The following FARP1 variants were observed in gnomAD, a reference collection of about 807,000 sequenced individuals.
FARP1 encodes the protein FERM, ARH/RhoGEF and pleckstrin domain protein 1, also known as FERM, ARHGEF and pleckstrin domain-containing protein 1.
FARP1 carries 52 observed loss-of-function variants against 128.8 expected under a neutral mutation model. The ratio of observed to expected loss-of-function variants is 0.40; its 90% CI spans 0.32 to 0.51. The LOEUF is 0.51. Ranked by LOEUF, FARP1 falls within the 20% of genes least tolerant of loss-of-function variation. The pLI, the probability that FARP1 is intolerant of heterozygous loss-of-function variation, is 0.45. For synonymous variants in FARP1, 580 were observed against 551.8 expected (o/e 1.05, Z -0.72); for missense variants, 1,333 against 1,367.9 (o/e 0.97, Z 0.40).
Position 98,343,745 on chromosome 13 carries a change from G to A in FARP1, c.172-17G>A, listed in dbSNP as rs375160200. 5.0e-6 allele frequency: 8 copies of A among 1,586,910 alleles called. No homozygotes were observed. Among genetic ancestry groups the A allele is most frequent in the South Asian group, 3.3e-5 (3 of 90,478 alleles). On this transcript the variant is annotated splice_polypyrimidine_tract_variant and intron_variant, in intron 2 of 26. Transcript: ENST00000319562. ...CGTGCCTGCCTCAGGGATAACCCCT[G>A]TTGTTTCTGCTCACAGCAAAGAGCT...
chr13:98,327,925 A>G (rs967621144), intron 2 of FARP1, among the ~76,000 whole-genome samples: 10 of 148,702 alleles, frequency 6.7e-5, no homozygotes, highest in Non-Finnish European at 3.0e-5. Context: ...TAATAGGCAT[A>G]TTCAATAAGC....
chr13:98,352,619 A>G (rs990582006), intron 3 of FARP1, among the ~76,000 whole-genome samples: 4 of 152,250 alleles, frequency 2.6e-5, no homozygotes, highest in African/African-American at 9.6e-5. Context: ...AGGTTAGGAA[A>G]CAATTTTCAC....
intron 1 of FARP1, among the ~76,000 whole-genome samples, chr13:98,163,541 T>G (rs1232555381): frequency 7.3e-6 from 1 of 137,866 alleles, no homozygotes; most frequent in African/African-American, 2.5e-5. Flanking sequence ...TATTTGTTGG[T>G]GTTTTTTTTT....
At chr13:98,353,998 C>G (rs1336122382) in intron 3 of FARP1, among the ~76,000 whole-genome samples, 1 of 152,198 alleles carries the variant, frequency 6.6e-6, no homozygotes, top group Non-Finnish European at 1.5e-5. Flanking sequence ...TTTGCAAGGA[C>G]CATGCCTGAG....
chr13:98,221,937 C>CT (rs1339829786), intron 2 of FARP1, among the ~76,000 whole-genome samples: 2 of 152,190 alleles, frequency 1.3e-5, no homozygotes, highest in African/African-American at 4.8e-5. Context: ...TTTTAAAAAA[C>CT]TATCTGCCAT....
At chr13:98,397,057 A>G (rs1890578467) in intron 13 of FARP1, 1 of 152,242 alleles carries the variant, frequency 6.6e-6, no homozygotes, top group Admixed American at 6.5e-5. Flanking sequence ...AAGAATAATG[A>G]ATATTTTAAT....
chr13:98,307,038 G>C (rs1294160935), intron 2 of FARP1, among the ~76,000 whole-genome samples: 1 of 152,178 alleles, frequency 6.6e-6, no homozygotes, highest in African/African-American at 2.4e-5. Flanking sequence ...AGCTAACCTC[G>C]TCACAGCTGG....
intron 2 of FARP1, among the ~76,000 whole-genome samples, chr13:98,250,029 A>G (rs1883247897): frequency 6.6e-6 from 1 of 152,260 alleles, no homozygotes; most frequent in African/African-American, 2.4e-5. Context: ...GGCATTTAAT[A>G]AAAGAGAAAA....
intron 19 of FARP1, among the ~76,000 whole-genome samples, chr13:98,437,234 G>A (rs1892306546): frequency 6.6e-6 from 1 of 152,210 alleles, no homozygotes; most frequent in Non-Finnish European, 1.5e-5. Context: ...GGCCGATCAG[G>A]TGATGATGGG....
At chr13:98,181,951 T>C (rs1468013812) in intron 1 of FARP1, among the ~76,000 whole-genome samples, 1 of 152,170 alleles carries the variant, frequency 6.6e-6, no homozygotes, top group Non-Finnish European at 1.5e-5. Flanking sequence ...GCTGACTTCA[T>C]TGCAAGAGAG....
intron 1 of FARP1, among the ~76,000 whole-genome samples, chr13:98,202,901 G>A (rs1386404271): frequency 1.3e-5 from 2 of 151,906 alleles, no homozygotes; most frequent in African/African-American, 4.8e-5. Context: ...TAAATTTTTT[G>A]TGGAGACGGG....
intron 16 of FARP1, among the ~76,000 whole-genome samples, chr13:98,419,409 G>A (rs1891505370): frequency 6.6e-6 from 1 of 151,824 alleles, no homozygotes; most frequent in Non-Finnish European, 1.5e-5. Flanking sequence ...AGGAGGCAGA[G>A]GTTGCAGTGA....
intron 2 of FARP1, among the ~76,000 whole-genome samples, chr13:98,272,150 C>T (rs1473563273): frequency 2.6e-5 from 4 of 152,112 alleles, no homozygotes; most frequent in Non-Finnish European, 5.9e-5. Flanking sequence ...CTGCCTCAGC[C>T]TCCCAAGTAC....
intron 11 of FARP1, among the ~76,000 whole-genome samples, chr13:98,391,581 TTTA>T (rs1048764420): frequency 2.0e-5 from 3 of 152,132 alleles, no homozygotes; most frequent in East Asian, 1.9e-4. Flanking sequence ...AGAAACAGGA[TTTA>T]TTATTATTAT....
chr13:98,281,500 T>C (rs1425682234), intron 2 of FARP1, among the ~76,000 whole-genome samples: 5 of 152,218 alleles, frequency 3.3e-5, no homozygotes, highest in East Asian at 3.8e-4. Context: ...CTGGATCTCC[T>C]TATTGCCCTC....
intron 16 of FARP1, 91 bp downstream of exon 16, chr13:98,412,125 C>A: frequency 1.5e-6 from 2 of 1,311,590 alleles, no homozygotes; most frequent in Non-Finnish European, 2.1e-6. Context: ...CAGGCAGGAA[C>A]AAAGATGAAA....
At chr13:98,213,169 G>A in intron 1 of FARP1, 51 bp from the exon 2 acceptor site, 1 of 1,479,798 alleles carries the variant, frequency 6.8e-7, no homozygotes, top group South Asian at 1.3e-5. Flanking sequence ...ACACAGCTTG[G>A]GTGGTAGTCT....
intron 2 of FARP1, among the ~76,000 whole-genome samples, chr13:98,320,189 C>G (rs570642647): frequency 2.6e-5 from 4 of 152,230 alleles, no homozygotes; most frequent in African/African-American, 9.6e-5. Context: ...CATACGTGGG[C>G]CTGGAGTCAA....
intron 1 of FARP1, among the ~76,000 whole-genome samples, chr13:98,178,326 G>C (rs568532809): frequency 1.3e-5 from 2 of 151,312 alleles, no homozygotes; most frequent in Non-Finnish European, 2.9e-5. Context: ...CTCCTGAGTA[G>C]CTGGGATTAC....
Sources: gnomAD v4.1 joint callset for allele counts (sites outside exome capture counted in the v4.1 genomes callset) on GRCh38, gnomAD v4.1.1 for gene constraint, MANE v1.5 for transcripts, NCBI Gene and HGNC (gene_info 2026-07-23, HGNC 2026-07-21) for gene names.